The following SEMA3C variants were observed in gnomAD, a reference collection of about 807,000 sequenced individuals.
The protein encoded by SEMA3C is semaphorin-3C.
In SEMA3C, 47 loss-of-function variants were observed where a neutral mutation model predicts 89.4. The observed-to-expected ratio is 0.53, with a 90% confidence interval of 0.42 to 0.67. SEMA3C has a LOEUF of 0.67. SEMA3C is among the 30% of genes least tolerant of loss of function. SEMA3C has a pLI of 0.00. For missense variants in SEMA3C, 839 were observed against 929.1 expected (o/e 0.90, Z 1.26); for synonymous variants, 310 against 320.2 (o/e 0.97, Z 0.34).
chr7:80,748,573 G>C (rs962603776), intron 17 of SEMA3C, among the ~76,000 whole-genome samples: 1 of 152,148 alleles, frequency 6.6e-6, no homozygotes, highest in African/African-American at 2.4e-5. Context: ...ACACAAAGGT[G>C]CCGTTGTGTG....
chr7:80,882,064 C>T (rs571968267), intron 2 of SEMA3C, among the ~76,000 whole-genome samples: 2 of 152,256 alleles, frequency 1.3e-5, no homozygotes, highest in South Asian at 2.1e-4. Context: ...GAAGTGCCCA[C>T]GTTCCTTCAC....
chr7:80,766,388 T>G (rs766694980), intron 12 of SEMA3C, among the ~76,000 whole-genome samples: 23 of 151,780 alleles, frequency 1.5e-4, no homozygotes, highest in Admixed American at 6.6e-5. Flanking sequence ...GCAGGGAACA[T>G]AAAGCCGATT....
At chr7:80,796,398 G>A (rs1383144942) in intron 11 of SEMA3C, 1 of 151,940 alleles carries the variant, frequency 6.6e-6, no homozygotes, top group Non-Finnish European at 1.5e-5. Context: ...TGTTTTTGGA[G>A]ACAAGAGTCT....
At chr7:80,805,116 CTA>C (rs1789307234) in intron 7 of SEMA3C, among the ~76,000 whole-genome samples, 1 of 151,890 alleles carries the variant, frequency 6.6e-6, no homozygotes, top group African/African-American at 2.4e-5. Context: ...GTTATCATTC[CTA>C]TGATTTCTAC....
chr7:80,798,709 T>C (rs184143608), intron 10 of SEMA3C, among the ~76,000 whole-genome samples: 252 of 152,350 alleles, frequency 1.7e-3, no homozygotes, highest in African/African-American at 5.9e-3. Flanking sequence ...TCCTGAATAC[T>C]AGTTGGAGAA....
chr7:80,854,988 T>A (rs1344324375), intron 2 of SEMA3C, among the ~76,000 whole-genome samples: 1 of 152,200 alleles, frequency 6.6e-6, no homozygotes, highest in East Asian at 1.9e-4. Flanking sequence ...ATTTAAAGCA[T>A]GCATGCTCTT....
At chr7:80,753,985 T>C (rs1252885513) in intron 15 of SEMA3C, among the ~76,000 whole-genome samples, 1 of 152,222 alleles carries the variant, frequency 6.6e-6, no homozygotes, top group Admixed American at 6.5e-5. Context: ...TTGCCCAGGC[T>C]GGAGTGCAGT....
intron 2 of SEMA3C, among the ~76,000 whole-genome samples, chr7:80,889,472 T>C (rs1401715630): frequency 6.6e-6 from 1 of 152,166 alleles, no homozygotes. Context: ...TTTGTTGTAT[T>C]ACAACACATT....
chr7:80,841,176 G>A (rs568640530), intron 2 of SEMA3C, among the ~76,000 whole-genome samples: 44 of 152,200 alleles, frequency 2.9e-4, no homozygotes, highest in African/African-American at 8.4e-4. Context: ...GCAAGTACCC[G>A]CCATGATCAC....
In SEMA3C at chr7:80,750,469, T is replaced by TACAC. The variant is rs1458342632; in HGVS notation, c.1711+799_1711+800insGTGT. On this transcript the variant is annotated intron_variant, in intron 16 of 17. Coordinates refer to ENST00000265361, the MANE Select transcript of SEMA3C (RefSeq NM_006379.5). ...ATATATATATATATATATATATATATATATACACACACACACACACACACA... is the reference window on the plus strand; with the variant it reads ...ATATATATATATATATATATATATATACACATATACACACACACACACACACACA... Among the ~76,000 whole-genome samples, 129 of 50,172 alleles carry TACAC rather than the reference T, an allele frequency of 2.6e-3. 1 individual carries two copies. The highest frequency in any genetic ancestry group is 8.2e-3 in the African/African-American group (114 of 13,900). The allele number at this position is 50,172 out of a possible 152,430, so 32.9% of individuals were successfully genotyped here.
At chr7:80,897,042 G>A (rs1791755573) in intron 2 of SEMA3C, among the ~76,000 whole-genome samples, 1 of 152,208 alleles carries the variant, frequency 6.6e-6, no homozygotes. Flanking sequence ...GCATGGGGCT[G>A]TGGGATGGGC....
chr7:80,745,320 C>T lies in SEMA3C; in HGVS notation c.1843-13G>A. 6.2e-7 allele frequency: 1 copy of T among 1,607,762 alleles called. No individual in the cohort carries two copies. The highest frequency in any genetic ancestry group is 1.1e-5 in the South Asian group (1 of 90,854). ...CATTCAGCTTAACCTAAAAGAGAGA[C>T]AAATTAAAGTTACTGAAACTGAACA... is the stretch of plus-strand genomic sequence containing the variant. On this transcript the variant is annotated splice_polypyrimidine_tract_variant and intron_variant, in intron 17 of 17. Coordinates refer to ENST00000265361, the MANE Select transcript of SEMA3C (RefSeq NM_006379.5).
At chr7:80,882,865 CAT>C (rs1484770903) in intron 2 of SEMA3C, among the ~76,000 whole-genome samples, 1 of 151,640 alleles carries the variant, frequency 6.6e-6, no homozygotes, top group Non-Finnish European at 1.5e-5. Flanking sequence ...TAAAAATAGA[CAT>C]ATGAAAATTT....
At chr7:80,754,410 T>G (rs1455578773) in intron 15 of SEMA3C, among the ~76,000 whole-genome samples, 1 of 152,194 alleles carries the variant, frequency 6.6e-6, no homozygotes, top group Non-Finnish European at 1.5e-5. Flanking sequence ...TAAGTGATCT[T>G]CGTGTTTTGC....
Position 80,754,617 on chromosome 7 carries a change from G to A in SEMA3C, c.1644-3281C>T, listed in dbSNP as rs147927515. 2.6e-5 allele frequency among the ~76,000 whole-genome samples: 4 copies of A among 152,256 alleles called. No individual in the cohort carries two copies. The East Asian group carries it at 7.7e-4, about 29-fold the overall frequency. ...CTTAACTAAGTTAGGACATAATTTG[G>A]AGAATGTAAATACCGTAGATATTTT... On this transcript the variant is annotated intron_variant, in intron 15 of 17. Transcript: ENST00000265361.
chr7:80,767,147 C>A (rs1788323589), intron 12 of SEMA3C, among the ~76,000 whole-genome samples: 1 of 152,164 alleles, frequency 6.6e-6, no homozygotes, highest in East Asian at 1.9e-4. Context: ...CTAAAACTTG[C>A]GTTGGTCTCT....
rs776803157 is a variant in SEMA3C at position 80,804,255 on chromosome 7, A to G, written c.659-7T>C. 2 of 1,579,894 alleles carry G rather than the reference A, an allele frequency of 1.3e-6. No homozygotes were observed. The highest frequency in any genetic ancestry group is 1.8e-5 in the Admixed American group (1 of 55,788). ...GCATCTACAAACATAGGTTCTAGAA[A>G]AAAAGGTAAAAGACTAGGTATATAT... On this transcript the variant is annotated splice_polypyrimidine_tract_variant and splice_region_variant and intron_variant, in intron 7 of 17. Transcript: ENST00000265361.
chr7:80,827,950 GA>G (rs1789914634), intron 3 of SEMA3C, among the ~76,000 whole-genome samples: 3 of 152,080 alleles, frequency 2.0e-5, no homozygotes, highest in Admixed American at 1.3e-4. Context: ...TAACTTGGAT[GA>G]AAACCAAGAG....
intron 2 of SEMA3C, among the ~76,000 whole-genome samples, chr7:80,830,368 G>A (rs78089056): frequency 1.3e-5 from 2 of 152,102 alleles, no homozygotes; most frequent in African/African-American, 4.8e-5. Flanking sequence ...AGTGACAAGA[G>A]ATAGTATTCA....
Sources: allele counts gnomAD v4.1 joint callset (sites outside exome capture counted in the v4.1 genomes callset), GRCh38; gene constraint gnomAD v4.1.1; transcripts MANE v1.5; gene names NCBI Gene and HGNC (gene_info 2026-07-23, HGNC 2026-07-21).